RFK: variants seen among roughly 807,000 people sequenced by gnomAD.
RFK encodes 0610038L10Rik.
In RFK, 4 loss-of-function variants were observed where a neutral mutation model predicts 17.6. That is an observed-to-expected ratio of 0.23 (90% confidence interval 0.11 to 0.52). The LOEUF (loss-of-function observed/expected upper bound fraction) is 0.52. Ranked by LOEUF, RFK falls within the 20% of genes least tolerant of loss-of-function variation. The pLI, the probability that RFK is intolerant of heterozygous loss-of-function variation, is 0.96. For missense variants in RFK, 189 were observed against 187.7 expected, an observed-to-expected ratio of 1.01 and a Z score of -0.04; for synonymous variants, 59 against 63.8, an observed-to-expected ratio of 0.92 and a Z score of 0.36.
chr9:76,386,262 T>A lies in RFK; in HGVS notation c.*1137A>T, dbSNP rs2131552552. The A allele has an allele frequency of 6.6e-6, 1 of 152,326 alleles. No homozygotes were observed. Among genetic ancestry groups the A allele is most frequent in the Admixed American group, 6.5e-5 (1 of 15,296 alleles). 9.4% of individuals were successfully genotyped at this position (152,326 alleles called of 1,614,324 possible). On this transcript the variant is annotated 3_prime_UTR_variant, in exon 4 of 4. Transcript: ENST00000376736. ...AACTTTATGCTTTTCCCTCAAGCTG[T>A]AAGTACTCTTTAGCATTAAATTACA...
At chr9:76,389,980 T>C (rs1431408092) in intron 2 of RFK, among the ~76,000 whole-genome samples, 3 of 152,088 alleles carry the variant, frequency 2.0e-5, no homozygotes, top group Non-Finnish European at 4.4e-5. Context: ...CATGAAAATC[T>C]TGAGAACAAA....
chr9:76,389,064 C>G (rs1241916593), intron 2 of RFK, among the ~76,000 whole-genome samples: 8 of 152,258 alleles, frequency 5.3e-5, no homozygotes, highest in African/African-American at 1.9e-4. Flanking sequence ...ACGTCTGACA[C>G]ACAACATGTA....
chr9:76,393,928 C>T, intron 1 of RFK, 162 bp downstream of exon 1: 1 of 664,550 alleles, frequency 1.5e-6, no homozygotes, highest in East Asian at 3.1e-5. Flanking sequence ...CTCAACCGAG[C>T]CAACGGTCCT....
rs1407374864 is a variant in RFK, at chr9:76,394,353, G to A, written c.-182C>T. Reference sequence around the variant, plus strand: ...GCCACTGCGAATCCCTGACGCCGCCGACCCAACAAATACCGCCGGGCGCCT... The same window carrying A: ...GCCACTGCGAATCCCTGACGCCGCCAACCCAACAAATACCGCCGGGCGCCT... On this transcript the variant is annotated 5_prime_UTR_variant, in exon 1 of 4. Transcript: ENST00000376736. The A allele has an allele frequency of 3.7e-6, 2 of 536,632 alleles. No homozygotes were observed. Among genetic ancestry groups the A allele is most frequent in the Non-Finnish European group, 6.3e-6 (2 of 315,288 alleles). The allele number at this position is 536,632 out of a possible 1,614,324, so 33.2% of individuals were successfully genotyped here.
In RFK at chr9:76,386,491, CTGT is replaced by C. The variant is rs1036819573; in HGVS notation, c.*905_*907del. 45 of 152,028 alleles carry C rather than the reference CTGT, an allele frequency of 3.0e-4. No individual in the cohort carries two copies. Among genetic ancestry groups the C allele is most frequent in the African/African-American group, 9.7e-4 (40 of 41,386 alleles). The allele number at this position is 152,028 out of a possible 1,614,324, so 9.4% of individuals were successfully genotyped here. ...TCTTGAGAAAACCTAAGGATGAAGTCTGTTGTTTTGTTTTTCCTAAAAAAGGAA... is the reference window on the plus strand; with the variant it reads ...TCTTGAGAAAACCTAAGGATGAAGTCTGTTTTGTTTTTCCTAAAAAAGGAA... On this transcript the variant is annotated 3_prime_UTR_variant, in exon 4 of 4. Transcript: ENST00000376736.
intron 2 of RFK, among the ~76,000 whole-genome samples, chr9:76,390,613 G>A (rs1443160246): frequency 6.6e-6 from 1 of 151,248 alleles, no homozygotes; most frequent in East Asian, 2.0e-4. Context: ...GCAGTGAGCT[G>A]AGATTGCACC....
At position 76,386,742 on chromosome 9, in the gene RFK, A is replaced by G. The variant is rs946749618; in HGVS notation, c.*657T>C. Reference sequence around the variant, plus strand: ...TGATGTGACTGCAAAGAAAATGACTAAAACAAAACTTTACAAACATCTTCA... The same window carrying G: ...TGATGTGACTGCAAAGAAAATGACTGAAACAAAACTTTACAAACATCTTCA... On this transcript the variant is annotated 3_prime_UTR_variant, in exon 4 of 4. Coordinates refer to ENST00000376736, the MANE Select transcript of RFK (RefSeq NM_018339.6). The G allele has an allele frequency of 5.3e-5, 8 of 152,234 alleles. No homozygotes were observed. Among genetic ancestry groups the G allele is most frequent in the African/African-American group, 1.9e-4 (8 of 41,468 alleles). The allele number at this position is 152,234 out of a possible 1,614,324, so 9.4% of individuals were successfully genotyped here.
Position 76,392,113 on chromosome 9 carries a change from TACAAA to T in RFK, c.234+300_234+304del, listed in dbSNP as rs201736743. Among the ~76,000 whole-genome samples, 91 of 151,880 alleles carry T rather than the reference TACAAA, an allele frequency of 6.0e-4. No homozygotes were observed. In the East Asian group the frequency reaches 0.013, roughly 21 times the overall value. On this transcript the variant is annotated intron_variant, in intron 2 of 3. Coordinates refer to ENST00000376736, the MANE Select transcript of RFK (RefSeq NM_018339.6). ...AATGAGAAAGGAATTAAAATGTCACTACAAAACAAAACAAAACAAAAAGCACACTA... is the reference window on the plus strand; with the variant it reads ...AATGAGAAAGGAATTAAAATGTCACTACAAAACAAAACAAAAAGCACACTA...
chr9:76,392,424 C>T lies in RFK; in HGVS notation c.228G>A (p.Lys76=), dbSNP rs759366427. 6 of 1,614,116 alleles carry T rather than the reference C, an allele frequency of 3.7e-6. No individual in the cohort carries two copies. Among genetic ancestry groups the T allele is most frequent in the Admixed American group, 1.7e-5 (1 of 60,004 alleles). ...AGCAAAATATAATGCTTACCATAGA[C>T]TTCTTCGTATTCTTGTAATATGGGT... is the stretch of plus-strand genomic sequence containing the variant. ...GWNPYYKNTK[K]SMETHIMHTF... The change falls in exon 2 of 4, where the codon AAG becomes AAA. Residue 76 remains lysine (K), a synonymous_variant. Coordinates refer to ENST00000376736, the MANE Select transcript of RFK (RefSeq NM_018339.6).
In RFK at chr9:76,388,558, A is replaced by G. The variant is rs529953355; in HGVS notation, c.333T>C (p.Ser111=). Residue 111 remains serine (S), a synonymous_variant, in exon 3 of 4, where the codon TCT becomes TCC. Coordinates refer to ENST00000376736, the MANE Select transcript of RFK (RefSeq NM_018339.6). ...AAGATCAAAATAAGAACTTACCTAA[A>G]GAATCAAAGTTCTTTTCTGGTCTCA... ...GYLRPEKNFD[S]LESLISAIQG... 2.5e-6 allele frequency: 4 copies of G among 1,592,698 alleles called. No individual in the cohort carries two copies. The East Asian group carries it at 8.9e-5, about 36-fold the overall frequency.
intron 2 of RFK, among the ~76,000 whole-genome samples, chr9:76,390,726 C>CAA (rs1554728131): frequency 2.4e-5 from 3 of 125,598 alleles, no homozygotes; most frequent in African/African-American, 5.6e-5. Flanking sequence ...AAAAAAAAAA[C>CAA]CACACACACA....
intron 3 of RFK, 88 bp from the exon 4 acceptor site, chr9:76,387,617 A>C: frequency 1.5e-6 from 2 of 1,298,802 alleles, no homozygotes; most frequent in Non-Finnish European, 2.1e-6. Flanking sequence ...CTAAAAACTC[A>C]CAGGCTGGCA....
At position 76,392,431 on chromosome 9, in the gene RFK, G is replaced by A. The variant is rs752946979; in HGVS notation, c.221C>T (p.Thr74Met). 44 of 1,613,798 alleles carry A rather than the reference G, an allele frequency of 2.7e-5. No individual in the cohort carries two copies. The highest frequency in any genetic ancestry group is 1.6e-4 in the South Asian group (15 of 91,072). The stretch of plus-strand genomic sequence containing the variant: ...TATAATGCTTACCATAGACTTCTTC[G>A]TATTCTTGTAATATGGGTTCCATCC... Reference protein sequence around the residue: ...SIGWNPYYKNTKKSMETHIMH... With the variant: ...SIGWNPYYKNMKKSMETHIMH... Residue 74 changes from threonine to methionine, a missense_variant, in exon 2 of 4, where the codon ACG becomes ATG. By Grantham distance (81) the Thr-to-Met change is moderately conservative. Coordinates refer to ENST00000376736, the MANE Select transcript of RFK (RefSeq NM_018339.6).
At chr9:76,393,972 G>T (rs969881746) in intron 1 of RFK, 118 bp downstream of exon 1, 1 of 887,866 alleles carries the variant, frequency 1.1e-6, no homozygotes, top group Non-Finnish European at 1.7e-6. Flanking sequence ...GAGGAGGAAG[G>T]GTGTGCTCTC....
intron 1 of RFK, 58 bp downstream of exon 1, chr9:76,394,032 G>C (rs1822856901): frequency 6.6e-7 from 1 of 1,509,962 alleles, no homozygotes; most frequent in South Asian, 1.2e-5. Context: ...CCCGGCTGCC[G>C]TCTCTCCCCG....
intron 3 of RFK, 150 bp downstream of exon 3, chr9:76,388,404 G>C (rs1430029371): frequency 3.1e-6 from 2 of 648,456 alleles, no homozygotes; most frequent in Admixed American, 4.9e-5. Flanking sequence ...GGTGAAAGAA[G>C]ATAGATTCAC....
At chr9:76,393,513 T>G (rs1464346843) in intron 1 of RFK, among the ~76,000 whole-genome samples, 2 of 152,100 alleles carry the variant, frequency 1.3e-5, no homozygotes, top group African/African-American at 4.8e-5. Context: ...GGCCAAAGCT[T>G]CTTATTTTTC....
chr9:76,392,620 C>A, intron 1 of RFK, 51 bp from the exon 2 acceptor site: 1 of 1,584,714 alleles, frequency 6.3e-7, no homozygotes, highest in Non-Finnish European at 8.6e-7. Context: ...GTATTAAATG[C>A]CTGTAGCCGA....
At chr9:76,394,027 C>A in intron 1 of RFK, 63 bp downstream of exon 1, 2 of 1,488,422 alleles carry the variant, frequency 1.3e-6, no homozygotes, top group South Asian at 1.2e-5. Flanking sequence ...AAGTCCCCGG[C>A]TGCCGTCTCT....
Sources: allele counts gnomAD v4.1 joint callset (sites outside exome capture counted in the v4.1 genomes callset), GRCh38; gene constraint gnomAD v4.1.1; transcripts MANE v1.5; gene names NCBI Gene and HGNC (gene_info 2026-07-23, HGNC 2026-07-21).